Variants in FER observed in about 807,000 individuals in gnomAD.
FER encodes the protein tyrosine-protein kinase Fer.
FER carries 63 observed loss-of-function variants against 111.0 expected under a neutral mutation model. The observed-to-expected ratio is 0.57, with a 90% CI of 0.46 to 0.70. The LOEUF is 0.70. FER is among the 30% of genes least tolerant of loss of function. FER has a pLI of 0.00. For synonymous variants in FER, 327 were observed against 313.9 expected (o/e 1.04, Z -0.44); for missense variants, 914 against 954.0 (o/e 0.96, Z 0.55).
chr5:108,904,579 A>C (rs1750485971), intron 10 of FER, among the ~76,000 whole-genome samples: 1 of 152,202 alleles, frequency 6.6e-6, no homozygotes, highest in Non-Finnish European at 1.5e-5. Flanking sequence ...TAATTCATAG[A>C]GAAATTAGAA....
chr5:108,781,444 G>A (rs187681563), intron 2 of FER, among the ~76,000 whole-genome samples: 2 of 152,200 alleles, frequency 1.3e-5, no homozygotes, highest in East Asian at 1.9e-4. Flanking sequence ...CACCTGCCTC[G>A]GCCTCCCAAA....
intron 10 of FER, among the ~76,000 whole-genome samples, chr5:108,941,922 CTT>C (rs1257475691): frequency 1.3e-5 from 2 of 152,094 alleles, no homozygotes; most frequent in Non-Finnish European, 2.9e-5. Context: ...ACTATGGACT[CTT>C]GAGTGATAAT....
intron 3 of FER, among the ~76,000 whole-genome samples, chr5:108,803,216 C>T (rs1756863300): frequency 6.6e-6 from 1 of 151,588 alleles, no homozygotes; most frequent in Non-Finnish European, 1.5e-5. Context: ...TGTTTAAGTT[C>T]TGTGTAGAAC....
At position 109,092,298 on chromosome 5, in the gene FER, A is replaced by C. The variant is rs1175846644; in HGVS notation, c.1925-8098A>C. Among the ~76,000 whole-genome samples the C allele has an allele frequency of 5.6e-5, 8 of 143,390 alleles. No individual in the cohort carries two copies. In the South Asian group the frequency reaches 8.6e-4, roughly 15 times the overall value. 94.1% of individuals were successfully genotyped at this position (143,390 alleles called of 152,430 possible). A position where few individuals can be genotyped will look rare whatever the true frequency, so the allele number is the denominator to read the frequency against. ...CCTTATGATGGCAAAAAAAAAAAAA[A>C]AAAAAAAAAAAAACATCAGAGGGAA... On this transcript the variant is annotated intron_variant, in intron 16 of 19. Transcript: ENST00000281092.
intron 19 of FER, 41 bp from the exon 20 acceptor site, chr5:109,187,392 C>T: frequency 6.2e-7 from 1 of 1,600,624 alleles, no homozygotes; most frequent in Non-Finnish European, 8.5e-7. Context: ...TTGTGTCTTA[C>T]CTCCATTCTA....
chr5:109,024,565 G>C (rs1009832357), intron 13 of FER, among the ~76,000 whole-genome samples: 1 of 152,086 alleles, frequency 6.6e-6, no homozygotes, highest in African/African-American at 2.4e-5. Context: ...CAGAGTGTGT[G>C]AGCTACGGAG....
In FER at chr5:108,946,180, T is replaced by C. The variant is rs1427278901; in HGVS notation, c.1287T>C (p.Ala429=). ...TTGAATCTATTCGTCATTCAATTGC[T>C]GGAATAATTAGGTCTCCAAAATCTG... The part of the protein sequence containing the change: ...SKFESIRHSI[A]GIIRSPKSAL... The change falls in exon 11 of 20, where the codon GCT becomes GCC. Residue 429 remains alanine, a synonymous_variant. Transcript: ENST00000281092. 1 of 1,612,432 alleles carries C rather than the reference T, an allele frequency of 6.2e-7. No individual in the cohort carries two copies. The highest frequency in any genetic ancestry group is 2.2e-5 in the East Asian group (1 of 44,746).
intron 10 of FER, among the ~76,000 whole-genome samples, chr5:108,908,719 TCA>T (rs1751138075): frequency 7.7e-6 from 1 of 129,214 alleles, no homozygotes; most frequent in Non-Finnish European, 1.6e-5. Context: ...AGACTCCGTC[TCA>T]AAAAAAAAAA....
At chr5:108,894,216 A>T (rs572404817) in intron 9 of FER, 83 of 259,396 alleles carry the variant, frequency 3.2e-4, no homozygotes, top group African/African-American at 1.8e-3. Flanking sequence ...CTCATCCCTT[A>T]AAAAACCCCA....
At chr5:108,772,607 G>A (rs1426080251) in intron 2 of FER, among the ~76,000 whole-genome samples, 2 of 151,852 alleles carry the variant, frequency 1.3e-5, no homozygotes, top group African/African-American at 4.8e-5. Context: ...AGATAACATT[G>A]TCATTTCCAA....
intron 2 of FER, among the ~76,000 whole-genome samples, chr5:108,781,226 T>C (rs1380094758): frequency 1.3e-5 from 2 of 152,232 alleles, no homozygotes; most frequent in Non-Finnish European, 2.9e-5. Context: ...AGTCTCACTC[T>C]GTCACCCAGG....
chr5:109,127,722 G>A (rs560570668), intron 17 of FER, among the ~76,000 whole-genome samples: 1 of 152,056 alleles, frequency 6.6e-6, no homozygotes, highest in Admixed American at 6.6e-5. Context: ...TATTTTTAAA[G>A]ATTAGAAAAA....
intron 3 of FER, among the ~76,000 whole-genome samples, chr5:108,799,272 T>C (rs1443599816): frequency 6.6e-6 from 1 of 152,260 alleles, no homozygotes; most frequent in Non-Finnish European, 1.5e-5. Flanking sequence ...AATATTAAAC[T>C]CTAATAGTTC....
intron 18 of FER, 134 bp from the exon 19 acceptor site, chr5:109,186,066 C>T: frequency 7.9e-7 from 1 of 1,261,542 alleles, no homozygotes; most frequent in Non-Finnish European, 1.1e-6. Context: ...ACTGGGACCA[C>T]TGTCATATAT....
chr5:109,043,389 T>C (rs34409136), intron 14 of FER, among the ~76,000 whole-genome samples: 63 of 152,350 alleles, frequency 4.1e-4, no homozygotes, highest in Admixed American at 1.2e-3. Context: ...CACGAATGTT[T>C]ACTGTTTAAG....
rs1760609044 is a variant in FER at position 108,835,911 on chromosome 5, A to G, written c.481+104A>G. The G allele has an allele frequency of 6.6e-6, 4 of 610,602 alleles. No homozygotes were observed. In the East Asian group the frequency reaches 1.3e-4, roughly 20 times the overall value. The allele number at this position is 610,602 out of a possible 1,614,324, so 37.8% of individuals were successfully genotyped here. The stretch of plus-strand genomic sequence containing the variant: ...AATGATTCCATTTAGAGCATTTCAC[A>G]TATAAAAAACTCAAAATAAACCCAC... On this transcript the variant is annotated intron_variant, in intron 5 of 19. Coordinates refer to ENST00000281092, the MANE Select transcript of FER (RefSeq NM_005246.4).
chr5:109,062,022 T>TTTGCTTGCTTGCTTGCTTGC (rs112245118), intron 16 of FER, among the ~76,000 whole-genome samples: 1,956 of 150,644 alleles, frequency 0.013, 23 homozygotes, highest in Non-Finnish European at 0.021. Flanking sequence ...TTATGAATAC[T>TTTGCTTGCTTGCTTGCTTGC]TTGCTTGCTT....
At chr5:108,939,137 G>A (rs1755913560) in intron 10 of FER, among the ~76,000 whole-genome samples, 1 of 151,844 alleles carries the variant, frequency 6.6e-6, no homozygotes, top group Non-Finnish European at 1.5e-5. Flanking sequence ...TATTTGTTAT[G>A]TGCTGAAACT....
chr5:109,017,803 T>C (rs180713681), intron 13 of FER, among the ~76,000 whole-genome samples: 1 of 151,924 alleles, frequency 6.6e-6, no homozygotes, highest in Non-Finnish European at 1.5e-5. Context: ...TAAATGACCA[T>C]TATCCAAGAA....
Sources: gnomAD v4.1 joint callset for allele counts (sites outside exome capture counted in the v4.1 genomes callset) on GRCh38, gnomAD v4.1.1 for gene constraint, MANE v1.5 for transcripts, NCBI Gene and HGNC (gene_info 2026-07-23, HGNC 2026-07-21) for gene names.